EVPL: variants seen among roughly 807,000 people sequenced by gnomAD.
The protein encoded by EVPL is envoplakin, also known as 210 kDa cornified envelope precursor protein.
A neutral mutation model predicts 129.7 loss-of-function variants in EVPL; 94 were observed. That is an observed-to-expected ratio of 0.72 (90% confidence interval 0.61 to 0.86). The LOEUF (loss-of-function observed/expected upper bound fraction) is 0.86, where lower values mean the gene tolerates loss of function less well. EVPL is among the 40% of genes least tolerant of loss of function. EVPL has a pLI of 0.00. For missense variants in EVPL, 2,625 were observed against 2,721.1 expected (o/e 0.96, Z 0.79); for synonymous variants, 1,172 against 1,191.1 (o/e 0.98, Z 0.33).
At position 76,023,216 on chromosome 17, in the gene EVPL, T is replaced by C. The variant is rs1364818623; in HGVS notation, c.480+76A>G. ...CCCCTACACCCTGACTATTCAAGCC[T>C]GCAGTCAGGCCCTGGATTAAATGCA... On this transcript the variant is annotated intron_variant, in intron 4 of 21. Coordinates refer to ENST00000301607, the MANE Select transcript of EVPL (RefSeq NM_001988.4). The C allele has an allele frequency of 1.9e-6, 3 of 1,589,696 alleles. No homozygotes were observed. The African/African-American group carries it at 4.0e-5, about 21-fold the overall frequency.
In EVPL at chr17:76,007,348, T is replaced by C; in HGVS notation, c.5857A>G (p.Ile1953Val). 2 of 1,579,438 alleles carry C rather than the reference T, an allele frequency of 1.3e-6. No individual in the cohort carries two copies. Among genetic ancestry groups the C allele is most frequent in the Non-Finnish European group, 1.7e-6 (2 of 1,158,452 alleles). Residue 1953 changes from isoleucine to valine, a missense_variant, in exon 22 of 22, where the codon ATC becomes GTC. Ile to Val is a conservative substitution (Grantham distance 29). Around this residue, in one of 4 missense-constraint regions of EVPL, gnomAD observed 1,453 missense variants for 1,511.8 expected, o/e 0.96. Transcript: ENST00000301607. The surrounding 1 kb of genome is among the most constrained non-coding windows in gnomAD (Gnocchi z 8.8). ...GLIDPKRTGR[I>V]PIQQALLSGM... is the part of the protein sequence containing the mutation. ...GAGAGGAGGGCCTGCTGGATGGGGA[T>C]GCGGCCTGTCCTCTTGGGGTCGATG... is the stretch of plus-strand genomic sequence containing the variant.
At position 76,023,572 on chromosome 17, in the gene EVPL, A is replaced by G. The variant is rs778724692; in HGVS notation, c.281T>C (p.Leu94Pro). 8 of 1,613,018 alleles carry G rather than the reference A, an allele frequency of 5.0e-6. No individual in the cohort carries two copies. The South Asian group carries it at 7.7e-5, about 16-fold the overall frequency. ...GTCCACGTCCAGGAAGAGGTCCTTG[A>G]GCAGCACCTCAGCCTCCTTCAGGCT... Reference protein sequence around the residue: ...GRSLKEAEVLLKDLFLDVDKA... With the variant: ...GRSLKEAEVLPKDLFLDVDKA... The change falls in exon 3 of 22, where the codon CTC becomes CCC. Residue 94 changes from leucine (L) to proline (P), a missense_variant. Leu to Pro is a moderately conservative substitution (Grantham distance 98). This residue lies in a region of EVPL where 139 missense variants were observed against 186.8 expected (regional missense o/e 0.74). Coordinates refer to ENST00000301607, the MANE Select transcript of EVPL (RefSeq NM_001988.4).
At position 76,023,551 on chromosome 17, in the gene EVPL, A is replaced by C. The variant is rs2066478404; in HGVS notation, c.302T>G (p.Val101Gly). The C allele has an allele frequency of 1.2e-6, 2 of 1,613,212 alleles. No homozygotes were observed. Among genetic ancestry groups the C allele is most frequent in the Non-Finnish European group, 1.7e-6 (2 of 1,179,966 alleles). ...EVLLKDLFLD[V>G]DKARRLKHPQ... is the part of the protein sequence containing the mutation. ...GTGCTTGAGCCGCCGGGCCTTGTCC[A>C]CGTCCAGGAAGAGGTCCTTGAGCAG... Residue 101 changes from valine (V) to glycine (G), a missense_variant, in exon 3 of 22, where the codon GTG becomes GGG. Physicochemically the swap from Val to Gly is moderately radical, Grantham distance 109 (BLOSUM62 -3). This residue lies in a region of EVPL where 139 missense variants were observed against 186.8 expected (regional missense o/e 0.74). Coordinates refer to ENST00000301607, the MANE Select transcript of EVPL (RefSeq NM_001988.4).
rs376653928 is a variant in EVPL at position 76,009,904 on chromosome 17, C to G, written c.3301G>C (p.Glu1101Gln). Residue 1101 changes from glutamate (E) to glutamine (Q), a missense_variant, in exon 22 of 22, where the codon GAG becomes CAG. Coordinates refer to ENST00000301607, the MANE Select transcript of EVPL (RefSeq NM_001988.4). The surrounding 1 kb of genome is among the most constrained non-coding windows in gnomAD (Gnocchi z 5.9). ...GCCTGCTTCCTCCGCGCAGCATCCT[C>G]CTCCATCTGCAGCCTCAGAGCCTGG... ...AAQALRLQMEEDAARRKQAEE... is the reference protein window; with the variant it reads ...AAQALRLQMEQDAARRKQAEE... 3.7e-6 allele frequency: 6 copies of G among 1,614,076 alleles called. No homozygotes were observed. The highest frequency in any genetic ancestry group is 1.3e-5 in the African/African-American group (1 of 74,938).
intron 14 of EVPL, among the ~76,000 whole-genome samples, chr17:76,016,104 C>T (rs141491255): frequency 1.1e-3 from 175 of 152,182 alleles, no homozygotes; most frequent in African/African-American, 4.0e-3. Flanking sequence ...GAGATCACAC[C>T]GCTGCACTCC....
At position 76,007,958 on chromosome 17, in the gene EVPL, G is replaced by C. The variant is rs201556926; in HGVS notation, c.5247C>G (p.Ile1749Met). ...LDRKSGKQYS[I>M]EAALRCRRIS... ...TGCGCCGGCAGCGGAGGGCGGCCTCGATGGAGTACTGCTTCCCGCTCTTGC... is the reference window on the plus strand; with the variant it reads ...TGCGCCGGCAGCGGAGGGCGGCCTCCATGGAGTACTGCTTCCCGCTCTTGC... Residue 1749 changes from isoleucine (I) to methionine (M), a missense_variant, in exon 22 of 22, where the codon ATC becomes ATG. By Grantham distance (10) the Ile-to-Met change is conservative. Transcript: ENST00000301607. This position sits in a 1 kb window ranked among gnomAD's most constrained non-coding sequence, Gnocchi z 8.8. 8.1e-6 allele frequency: 13 copies of C among 1,614,088 alleles called. No individual in the cohort carries two copies. The East Asian group carries it at 2.5e-4, about 30-fold the overall frequency.
rs931418105 is a variant in EVPL at position 76,014,437 on chromosome 17, G to A, written c.2362C>T (p.Gln788Ter). The A allele has an allele frequency of 3.1e-6, 5 of 1,609,234 alleles. No individual in the cohort carries two copies. In the African/African-American group the frequency reaches 6.7e-5, roughly 22 times the overall value. ...TGCCCCAGCCTCACCTTCTGCGCCTGCAGCTTGTAGGCGATCTGGCTGGGG... is the reference window on the plus strand; with the variant it reads ...TGCCCCAGCCTCACCTTCTGCGCCTACAGCTTGTAGGCGATCTGGCTGGGG... ...DGPSQIAYKL[Q>*]AQKRLTQEIQ... Residue 788 changes from glutamine to a stop codon, truncating the protein, a stop_gained, in exon 18 of 22, where the codon CAG becomes TAG. Coordinates refer to ENST00000301607, the MANE Select transcript of EVPL (RefSeq NM_001988.4). LOFTEE classifies it high-confidence loss of function.
chr17:76,020,077 CAGCTAAACCT>C (rs1033800054), intron 9 of EVPL, among the ~76,000 whole-genome samples: 1 of 151,798 alleles, frequency 6.6e-6, no homozygotes, highest in Non-Finnish European at 1.5e-5. Context: ...AAACCTAAAC[CAGCTAAACCT>C]AAACCAGCTA....
Position 76,007,717 on chromosome 17 carries a change from T to A in EVPL, c.5488A>T (p.Ile1830Phe). Residue 1830 changes from isoleucine (I) to phenylalanine (F), a missense_variant, in exon 22 of 22, where the codon ATC becomes TTC. By Grantham distance (21) the Ile-to-Phe change is conservative (BLOSUM62 0). Around this residue, in one of 4 missense-constraint regions of EVPL, gnomAD observed 1,453 missense variants for 1,511.8 expected, o/e 0.96. Transcript: ENST00000301607. The surrounding 1 kb of genome is among the most constrained non-coding windows in gnomAD (Gnocchi z 8.8). Reference protein sequence around the residue: ...LGDDSFPIAGIYDTTTDNKCS... With the variant: ...LGDDSFPIAGFYDTTTDNKCS... ...TTGTTGTCTGTGGTTGTGTCATAGA[T>A]CCCGGCGATAGGGAAGCTGTCATCA... 3 of 1,613,088 alleles carry A rather than the reference T, an allele frequency of 1.9e-6. No homozygotes were observed. Among genetic ancestry groups the A allele is most frequent in the Non-Finnish European group, 2.5e-6 (3 of 1,179,324 alleles).
In EVPL at chr17:76,009,003, C is replaced by T. The variant is rs569380609; in HGVS notation, c.4202G>A (p.Arg1401Gln). 6 of 1,612,422 alleles carry T rather than the reference C, an allele frequency of 3.7e-6. No homozygotes were observed. Among genetic ancestry groups the T allele is most frequent in the South Asian group, 3.3e-5 (3 of 91,064 alleles). The change falls in exon 22 of 22, where the codon CGG (arginine) becomes CAG (glutamine). Residue 1401 changes from arginine to glutamine, a missense_variant. Transcript: ENST00000301607. The surrounding 1 kb of genome is among the most constrained non-coding windows in gnomAD (Gnocchi z 5.9). ...CACCTCAAGCTCTAGCTGGCGCCGC[C>T]GGCCCACCTCCTCATCCAGGCTCCC... ...LSGSLDEEVG[R>Q]RRQLELEVQQ...
At chr17:76,020,963 A>C (rs1666657706) in intron 9 of EVPL, among the ~76,000 whole-genome samples, 1 of 152,150 alleles carries the variant, frequency 6.6e-6, no homozygotes, top group South Asian at 2.1e-4. Flanking sequence ...GCCAGTAAGA[A>C]CCAATTTTCA....
rs530222840 is a variant in EVPL at position 76,012,977 on chromosome 17, C to T, written c.2374-888G>A. On this transcript the variant is annotated intron_variant, in intron 18 of 21. Transcript: ENST00000301607. ...GCCAGGATGGTCTCGATCTCCTGACCTTGTGATCCGCCCGCCTTGGCCTCC... is the reference window on the plus strand; with the variant it reads ...GCCAGGATGGTCTCGATCTCCTGACTTTGTGATCCGCCCGCCTTGGCCTCC... Among the ~76,000 whole-genome samples, 11 of 152,164 alleles carry T rather than the reference C, an allele frequency of 7.2e-5. No individual in the cohort carries two copies. The South Asian group carries it at 1.0e-3, about 14-fold the overall frequency.
intron 18 of EVPL, among the ~76,000 whole-genome samples, chr17:76,012,965 C>A (rs2598421): frequency 6.6e-6 from 1 of 151,376 alleles, no homozygotes; most frequent in Non-Finnish European, 1.5e-5. Flanking sequence ...AGGATGGTCT[C>A]GATCTCCTGA....
chr17:76,012,965 CG>C (rs1384738433), intron 18 of EVPL, among the ~76,000 whole-genome samples: 1 of 151,376 alleles, frequency 6.6e-6, no homozygotes, highest in African/African-American at 2.4e-5. Flanking sequence ...AGGATGGTCT[CG>C]ATCTCCTGAC....
In EVPL at chr17:76,021,877, C is replaced by T. The variant is rs1177404008; in HGVS notation, c.797G>A (p.Arg266Gln). 6.4e-7 allele frequency: 1 copy of T among 1,558,284 alleles called. No individual in the cohort carries two copies. Among genetic ancestry groups the T allele is most frequent in the Non-Finnish European group, 8.6e-7 (1 of 1,159,134 alleles). ...DLMADPAGVR[R>Q]EYEHFKQHEL... Reference sequence around the variant, plus strand: ...CCTCTGCCAGCCGACCTCGTACTCCCGCCGCACGCCCGCAGGGTCGGCCAT... The same window carrying T: ...CCTCTGCCAGCCGACCTCGTACTCCTGCCGCACGCCCGCAGGGTCGGCCAT... Residue 266 changes from arginine to glutamine, a missense_variant, in exon 7 of 22, where the codon CGG becomes CAG. Arg to Gln is a conservative substitution (Grantham distance 43). Around this residue, in one of 4 missense-constraint regions of EVPL, gnomAD observed 1,024 missense variants for 997.5 expected, o/e 1.03. Coordinates refer to ENST00000301607, the MANE Select transcript of EVPL (RefSeq NM_001988.4).
chr17:76,011,337 A>C (rs1180940681), intron 21 of EVPL, among the ~76,000 whole-genome samples: 1 of 152,228 alleles, frequency 6.6e-6, no homozygotes, highest in African/African-American at 2.4e-5. Context: ...GTGGCCATGA[A>C]TGCCATCTCC....
chr17:76,011,416 C>T (rs770809734), intron 21 of EVPL, 160 bp downstream of exon 21: 116 of 673,372 alleles, frequency 1.7e-4, no homozygotes, highest in Admixed American at 3.6e-4. Flanking sequence ...GGCTGGAATC[C>T]GCTCCCCTCT....
chr17:76,014,619 G>A (rs749804691), intron 17 of EVPL, 43 bp from the exon 18 acceptor site: 26 of 1,593,422 alleles, frequency 1.6e-5, no homozygotes, highest in East Asian at 4.5e-5. Flanking sequence ...GACCTGCCCC[G>A]TGGGGACAGG....
Position 76,008,968 on chromosome 17 carries a change from G to A in EVPL, c.4237C>T (p.Arg1413Trp), listed in dbSNP as rs1038019114. The A allele has an allele frequency of 1.1e-5, 18 of 1,611,344 alleles. No homozygotes were observed. The South Asian group carries it at 1.3e-4, about 12-fold the overall frequency. ...CCCTCCTGCTCCTCCACGCCGGCCC[G>A]CAGCTGCTGCACCTCAAGCTCTAGC... ...RQLELEVQQL[R>W]AGVEEQEGLL... is the part of the protein sequence containing the mutation. Residue 1413 changes from arginine (R) to tryptophan (W), a missense_variant, in exon 22 of 22, where the codon CGG (arginine) becomes TGG (tryptophan). Arg to Trp is a moderately radical substitution (Grantham distance 101). Around this residue, in one of 4 missense-constraint regions of EVPL, gnomAD observed 1,453 missense variants for 1,511.8 expected, o/e 0.96. Transcript: ENST00000301607. This position sits in a 1 kb window ranked among gnomAD's most constrained non-coding sequence, Gnocchi z 7.4.
Sources: gnomAD v4.1 joint callset for allele counts (sites outside exome capture counted in the v4.1 genomes callset) on GRCh38, gnomAD v4.1.1 for gene constraint, gnomAD v4.1.1 regional missense constraint, Gnocchi (gnomAD v3.1) non-coding constraint, MANE v1.5 for transcripts, NCBI Gene and HGNC (gene_info 2026-07-23, HGNC 2026-07-21) for gene names.